Variants in ZNF618 observed in about 807,000 individuals in gnomAD.
ZNF618 encodes the protein zinc finger protein 618, also known as neural precursor cell expressed, developmentally down-regulated 10.
ZNF618 carries 34 observed loss-of-function variants against 103.0 expected under a neutral mutation model. The observed-to-expected ratio is 0.33, with a 90% CI of 0.25 to 0.44. The LOEUF (loss-of-function observed/expected upper bound fraction) is 0.44. Among genes scored for constraint, ZNF618 ranks in the 20% least tolerant of loss-of-function variants. The pLI is 1.00. For synonymous variants in ZNF618, 551 were observed against 542.2 expected, an observed-to-expected ratio of 1.02 and a Z score of -0.23; for missense variants, 1,059 against 1,295.4, an observed-to-expected ratio of 0.82 and a Z score of 2.80.
At chr9:113,888,756 C>G (rs972653481) in intron 1 of ZNF618, among the ~76,000 whole-genome samples, 15 of 152,184 alleles carry the variant, frequency 9.9e-5, no homozygotes, top group African/African-American at 3.4e-4. Context: ...CCTCAGTTTT[C>G]CCTACTGTAC....
At chr9:113,884,029 A>ACC (rs889029591) in intron 1 of ZNF618, among the ~76,000 whole-genome samples, 5 of 112,086 alleles carry the variant, frequency 4.5e-5, no homozygotes, top group Admixed American at 1.4e-4. Flanking sequence ...GCAGGACTTC[A>ACC]CCTTGGGAAG....
chr9:113,904,607 G>T (rs1830825465), intron 1 of ZNF618, among the ~76,000 whole-genome samples: 1 of 152,126 alleles, frequency 6.6e-6, no homozygotes, highest in Middle Eastern at 3.2e-3. Context: ...ACACTTAGTT[G>T]CCTAAAACAA....
chr9:114,020,148 A>C (rs1179515968), intron 10 of ZNF618, among the ~76,000 whole-genome samples: 1 of 152,148 alleles, frequency 6.6e-6, no homozygotes, highest in Non-Finnish European at 1.5e-5. Flanking sequence ...AGTTATTTGA[A>C]TGTGTAAGTA....
chr9:113,962,526 G>A (rs1836947291), intron 1 of ZNF618, among the ~76,000 whole-genome samples: 1 of 152,218 alleles, frequency 6.6e-6, no homozygotes, highest in African/African-American at 2.4e-5. Context: ...CTCTGCATGA[G>A]CTGACCTCCC....
chr9:113,900,805 C>G (rs4979292), intron 1 of ZNF618, among the ~76,000 whole-genome samples: 3,839 of 60,994 alleles, frequency 0.063, no homozygotes, highest in Admixed American at 0.074. Context: ...AACCCGACCT[C>G]CTGTCTCCTA....
rs1588389714 is a variant in ZNF618, at chr9:114,026,728, C to T, written c.845-2005C>T. ...TTTGGGCCTTGGGTTTTTTTAATCTCTGAAAAATACCAGTAATAGATACTT... is the reference window on the plus strand; with the variant it reads ...TTTGGGCCTTGGGTTTTTTTAATCTTTGAAAAATACCAGTAATAGATACTT... On this transcript the variant is annotated intron_variant, in intron 10 of 14. Transcript: ENST00000374126. Among the ~76,000 whole-genome samples, 4 of 152,242 alleles carry T rather than the reference C, an allele frequency of 2.6e-5. No individual in the cohort carries two copies. In the South Asian group the frequency reaches 8.3e-4, roughly 32 times the overall value.
At chr9:113,916,435 A>G (rs1247659341) in intron 1 of ZNF618, among the ~76,000 whole-genome samples, 3 of 152,180 alleles carry the variant, frequency 2.0e-5, no homozygotes, top group African/African-American at 7.2e-5. Context: ...AACTGATTTC[A>G]GTTTGACCCC....
chr9:113,884,321 G>A (rs1229041639), intron 1 of ZNF618, among the ~76,000 whole-genome samples: 1 of 152,168 alleles, frequency 6.6e-6, no homozygotes, highest in African/African-American at 2.4e-5. Flanking sequence ...ATTTTGTGGT[G>A]TTTGCCAAAG....
At chr9:114,040,037 A>G (rs1179436135) in intron 13 of ZNF618, among the ~76,000 whole-genome samples, 1 of 152,096 alleles carries the variant, frequency 6.6e-6, no homozygotes, top group Non-Finnish European at 1.5e-5. Context: ...ACTCATTTGT[A>G]TTGGGAGTGG....
intron 1 of ZNF618, among the ~76,000 whole-genome samples, chr9:113,915,731 A>AG (rs777243478): frequency 2.0e-5 from 3 of 151,958 alleles, no homozygotes; most frequent in Non-Finnish European, 2.9e-5. Flanking sequence ...GGAGGAAAGG[A>AG]GGGAGGGATA....
intron 1 of ZNF618, among the ~76,000 whole-genome samples, chr9:113,946,729 G>A (rs938792952): frequency 1.3e-5 from 2 of 152,194 alleles, no homozygotes; most frequent in African/African-American, 4.8e-5. Flanking sequence ...GGATGTAGAC[G>A]GGAGTGTGTG....
At chr9:113,962,502 G>A (rs1344949525) in intron 1 of ZNF618, among the ~76,000 whole-genome samples, 5 of 152,156 alleles carry the variant, frequency 3.3e-5, no homozygotes, top group East Asian at 1.9e-4. Context: ...AAGGCTCTTC[G>A]GTGGCCTGCA....
At chr9:113,887,584 T>C (rs924461748) in intron 1 of ZNF618, among the ~76,000 whole-genome samples, 4 of 152,204 alleles carry the variant, frequency 2.6e-5, no homozygotes, top group Non-Finnish European at 5.9e-5. Flanking sequence ...ATTCTTTTGC[T>C]AAGTCGTGTC....
chr9:113,928,068 A>G (rs540141070), intron 1 of ZNF618, among the ~76,000 whole-genome samples: 2 of 152,296 alleles, frequency 1.3e-5, no homozygotes, highest in East Asian at 1.9e-4. Flanking sequence ...AGCTCTTTAC[A>G]TGTTGGAATG....
chr9:114,005,573 A>G (rs1841668972), intron 6 of ZNF618, among the ~76,000 whole-genome samples: 1 of 152,166 alleles, frequency 6.6e-6, no homozygotes, highest in Non-Finnish European at 1.5e-5. Flanking sequence ...GTGGCGGCAG[A>G]TGGCGGGTAG....
At chr9:114,004,940 CAT>C (rs1414530059) in intron 6 of ZNF618, among the ~76,000 whole-genome samples, 1 of 152,220 alleles carries the variant, frequency 6.6e-6, no homozygotes, top group Admixed American at 6.5e-5. Context: ...AGCAGACAGA[CAT>C]ATTCACTCAT....
intron 13 of ZNF618, among the ~76,000 whole-genome samples, chr9:114,042,890 T>G (rs1160750048): frequency 6.6e-6 from 1 of 152,216 alleles, no homozygotes; most frequent in Non-Finnish European, 1.5e-5. Flanking sequence ...TTTGCAGTCA[T>G]TCCCTTTCTC....
intron 1 of ZNF618, among the ~76,000 whole-genome samples, chr9:113,915,382 G>A (rs549862801): frequency 2.6e-5 from 4 of 152,168 alleles, no homozygotes; most frequent in Admixed American, 6.5e-5. Context: ...AAGTCAGGCC[G>A]TTGGTTCCCT....
chr9:113,994,651 G>A (rs1458719472), intron 3 of ZNF618, among the ~76,000 whole-genome samples: 3 of 152,214 alleles, frequency 2.0e-5, no homozygotes, highest in Admixed American at 2.0e-4. Context: ...TGGGGGCAGA[G>A]TGACGTAATA....
Sources: allele counts gnomAD v4.1 joint callset (sites outside exome capture counted in the v4.1 genomes callset), GRCh38; gene constraint gnomAD v4.1.1; transcripts MANE v1.5; gene names NCBI Gene and HGNC (gene_info 2026-07-23, HGNC 2026-07-21).